The following ATXN3 variants were observed in gnomAD, a reference collection of about 807,000 sequenced individuals.
ATXN3 encodes ataxin 3.
Under a neutral mutation model 58.2 loss-of-function variants are expected in ATXN3, and 28 were observed. The ratio of observed to expected loss-of-function variants is 0.48; its 90% confidence interval spans 0.36 to 0.66. The LOEUF (loss-of-function observed/expected upper bound fraction) is 0.66, where lower values mean the gene tolerates loss of function less well. Ranked by LOEUF, ATXN3 falls within the 30% of genes least tolerant of loss-of-function variation. The pLI, the probability that ATXN3 is intolerant of heterozygous loss-of-function variation, is 0.00. For synonymous variants in ATXN3, 113 were observed against 138.5 expected (o/e 0.82, Z 1.29); for missense variants, 321 against 422.1 (o/e 0.76, Z 2.10).
At position 92,100,704 on chromosome 14, in the gene ATXN3, G is replaced by T. The variant is rs780895696; in HGVS notation, c.25-3866C>A. On this transcript the variant is annotated intron_variant, in intron 1 of 10. Transcript: ENST00000644486. ...TATGATGTCAGAATTCAGCATAGTG[G>T]TTATATTTGGTGGGAATGCAGTGGA... is the stretch of plus-strand genomic sequence containing the variant. 5.9e-5 allele frequency among the ~76,000 whole-genome samples: 9 copies of T among 152,266 alleles called. No individual in the cohort carries two copies. The South Asian group carries it at 1.7e-3, about 28-fold the overall frequency.
Position 92,096,083 on chromosome 14 carries a change from G to C in ATXN3, c.234+10C>G. On this transcript the variant is annotated intron_variant, in intron 3 of 10. Transcript: ENST00000644486. The stretch of plus-strand genomic sequence containing the variant: ...TAAGCAACACATAGTACATGCTTGT[G>C]ACTACTTACCTGAATAGAGAAAAAA... The C allele has an allele frequency of 6.9e-7, 1 of 1,450,480 alleles. No individual in the cohort carries two copies. The highest frequency in any genetic ancestry group is 9.4e-7 in the Non-Finnish European group (1 of 1,068,918). 89.9% of individuals were successfully genotyped at this position (1,450,480 alleles called of 1,614,324 possible). A position where few individuals can be genotyped will look rare whatever the true frequency, so the allele number is the denominator to read the frequency against.
At chr14:92,091,243 G>A (rs574252715) in intron 5 of ATXN3, among the ~76,000 whole-genome samples, 3 of 152,162 alleles carry the variant, frequency 2.0e-5, no homozygotes, top group Non-Finnish European at 4.4e-5. Context: ...CTGAGGTCAG[G>A]AGTTCAAGAC....
chr14:92,075,166 T>G (rs929980211), intron 9 of ATXN3, among the ~76,000 whole-genome samples: 2 of 76,008 alleles, frequency 2.6e-5, no homozygotes, highest in African/African-American at 6.1e-5. Flanking sequence ...GTTTTTTTTT[T>G]TTTTTTTTTT....
At chr14:92,052,136 T>G (rs2057450917), upstream of ATXN3, among the ~76,000 whole-genome samples, 2 of 152,078 alleles carry the variant, frequency 1.3e-5, no homozygotes, top group South Asian at 4.1e-4. Flanking sequence ...TAACACTCAG[T>G]ATTCAGCCTC....
At chr14:92,065,149 C>T (rs2058162122) in intron 10 of ATXN3, among the ~76,000 whole-genome samples, 1 of 152,326 alleles carries the variant, frequency 6.6e-6, no homozygotes, top group Non-Finnish European at 1.5e-5. Flanking sequence ...GTGGAAACCA[C>T]TAATATGTTC....
In ATXN3 at chr14:92,058,761, A is replaced by C. The variant is rs976905389; in HGVS notation, c.*5559T>G. The stretch of plus-strand genomic sequence containing the variant: ...AGAAGGGCTGCAGGGCTGGGTCCTG[A>C]GCAAGCGGCACTGCCACAGTGCACT... On this transcript the variant is annotated 3_prime_UTR_variant, in exon 11 of 11. Transcript: ENST00000644486. 1.3e-5 allele frequency: 2 copies of C among 152,210 alleles called. No homozygotes were observed. Among genetic ancestry groups the C allele is most frequent in the African/African-American group, 4.8e-5 (2 of 41,458 alleles). The allele number at this position is 152,210 out of a possible 1,614,324, so 9.4% of individuals were successfully genotyped here.
chr14:92,071,899 C>A (rs1428858297), intron 9 of ATXN3, among the ~76,000 whole-genome samples: 5 of 152,202 alleles, frequency 3.3e-5, no homozygotes, highest in African/African-American at 7.2e-5. Context: ...TAATTCTCAG[C>A]ATAAACTTAT....
At chr14:92,102,864 A>G (rs1056076397) in intron 1 of ATXN3, among the ~76,000 whole-genome samples, 12 of 152,208 alleles carry the variant, frequency 7.9e-5, no homozygotes, top group Non-Finnish European at 5.9e-5. Flanking sequence ...TGCTATTAGC[A>G]CTTCAAGTCA....
chr14:92,097,114 T>C (rs1317138043), intron 1 of ATXN3, among the ~76,000 whole-genome samples: 1 of 152,116 alleles, frequency 6.6e-6, no homozygotes, highest in Middle Eastern at 3.4e-3. Context: ...TCATCCTGTG[T>C]TAGCCAGGAT....
chr14:92,057,990 A>G (rs723304), downstream of ATXN3, among the ~76,000 whole-genome samples: 43,111 of 152,086 alleles, frequency 0.28, 6,474 homozygotes, highest in African/African-American at 0.38. Flanking sequence ...GATTAAAGGC[A>G]TGAGCCACTG....
chr14:92,066,095 A>AT (rs200444985), intron 10 of ATXN3, among the ~76,000 whole-genome samples: 37,184 of 150,562 alleles, frequency 0.25, 4,607 homozygotes, highest in East Asian at 0.33. Flanking sequence ...AATACTAAAA[A>AT]AAAAATAAAT....
At chr14:92,087,334 C>A (rs944192885) in intron 6 of ATXN3, among the ~76,000 whole-genome samples, 4 of 152,050 alleles carry the variant, frequency 2.6e-5, no homozygotes, top group East Asian at 3.9e-4. Flanking sequence ...GCCTGTAGTC[C>A]CAGCTACTCA....
chr14:92,078,316 A>G (rs1454809638), intron 9 of ATXN3, among the ~76,000 whole-genome samples: 1 of 151,390 alleles, frequency 6.6e-6, no homozygotes, highest in South Asian at 2.1e-4. Context: ...AAATTTTTAG[A>G]ATGTTAGTTT....
At chr14:92,048,857 C>T (rs1024980654) in intron 1 of ATXN3, among the ~76,000 whole-genome samples, 13 of 151,872 alleles carry the variant, frequency 8.6e-5, no homozygotes, top group African/African-American at 2.2e-4. Flanking sequence ...TCAAAGGACT[C>T]GGAGCTTGGG....
At chr14:92,076,394 G>C (rs1203590919) in intron 9 of ATXN3, among the ~76,000 whole-genome samples, 8 of 149,284 alleles carry the variant, frequency 5.4e-5, no homozygotes, top group African/African-American at 2.0e-4. Context: ...GTTGCAGTGA[G>C]CCGAGATCGC....
In ATXN3 at chr14:92,088,720, C is replaced by T. The variant is rs775029826; in HGVS notation, c.475+10G>A. The T allele has an allele frequency of 8.4e-6, 13 of 1,555,074 alleles. No homozygotes were observed. Among genetic ancestry groups the T allele is most frequent in the African/African-American group, 8.2e-5 (6 of 73,532 alleles). ...AAGGTAACATTACAAAATGTTCAGC[C>T]GTTACTTACCTTCCTGTTGTAATTG... On this transcript the variant is annotated intron_variant, in intron 6 of 10. Coordinates refer to ENST00000644486, the MANE Select transcript of ATXN3 (RefSeq NM_004993.6).
At chr14:92,086,737 G>A (rs1439349372) in intron 6 of ATXN3, among the ~76,000 whole-genome samples, 3 of 151,040 alleles carry the variant, frequency 2.0e-5, no homozygotes, top group Non-Finnish European at 4.4e-5. Context: ...GGCAGCTGGA[G>A]TTTCATGGAA....
chr14:92,049,322 A>G (rs2057439986), intron 1 of ATXN3, among the ~76,000 whole-genome samples: 1 of 152,202 alleles, frequency 6.6e-6, no homozygotes, highest in South Asian at 2.1e-4. Context: ...CACCAAGGGA[A>G]TGTGGGTGAA....
At chr14:92,057,412 AAAC>A (rs143907363), downstream of ATXN3, among the ~76,000 whole-genome samples, 21 of 144,398 alleles carry the variant, frequency 1.5e-4, no homozygotes, top group South Asian at 9.3e-4. Context: ...GCTCTGTCTT[AAAC>A]AACAACAACA....
Sources: allele counts gnomAD v4.1 joint callset (sites outside exome capture counted in the v4.1 genomes callset), GRCh38; gene constraint gnomAD v4.1.1; transcripts MANE v1.5; gene names NCBI Gene and HGNC (gene_info 2026-07-23, HGNC 2026-07-21).